Variants in DLC1 observed in about 807,000 individuals in gnomAD.
DLC1 encodes the protein rho GTPase-activating protein 7.
A neutral mutation model predicts 140.3 loss-of-function variants in DLC1; 54 were observed. The ratio of observed to expected loss-of-function variants is 0.38; its 90% CI spans 0.31 to 0.48. The LOEUF (loss-of-function observed/expected upper bound fraction) is 0.48, where lower values mean the gene tolerates loss of function less well. DLC1 is among the 20% of genes least tolerant of loss of function. The probability of loss-of-function intolerance (pLI) is 0.96; values close to 1 mark genes in which losing one functional copy is unlikely to be tolerated. For missense variants in DLC1, 2,536 were observed against 1,907.0 expected, an observed-to-expected ratio of 1.33 and a Z score of -6.14; for synonymous variants, 986 against 728.1, an observed-to-expected ratio of 1.35 and a Z score of -5.70.
At chr8:13,544,099 G>A (rs1803574912) in intron 1 of DLC1, among the ~76,000 whole-genome samples, 1 of 151,568 alleles carries the variant, frequency 6.6e-6, no homozygotes, top group Non-Finnish European at 1.5e-5. Context: ...TTTTATATTA[G>A]CATTGCATCC....
At chr8:13,299,121 A>C (rs1245134754) in intron 5 of DLC1, among the ~76,000 whole-genome samples, 2 of 151,964 alleles carry the variant, frequency 1.3e-5, no homozygotes, top group Non-Finnish European at 2.9e-5. Context: ...CATGGGATTA[A>C]ATGAAACTAT....
intron 1 of DLC1, among the ~76,000 whole-genome samples, chr8:13,512,147 T>G (rs889852820): frequency 6.6e-6 from 1 of 152,084 alleles, no homozygotes; most frequent in East Asian, 1.9e-4. Context: ...ATTCCAATAA[T>G]GTAGAGTGTG....
intron 2 of DLC1, among the ~76,000 whole-genome samples, chr8:13,421,893 A>G (rs1838337081): frequency 6.6e-6 from 1 of 152,120 alleles, no homozygotes; most frequent in Non-Finnish European, 1.5e-5. Flanking sequence ...TTACATATGT[A>G]TCTAACTTGT....
chr8:13,299,778 G>A (rs1296282062), intron 5 of DLC1, among the ~76,000 whole-genome samples: 3 of 152,154 alleles, frequency 2.0e-5, no homozygotes, highest in Non-Finnish European at 2.9e-5. Flanking sequence ...AGGGCCAGAG[G>A]AGAGAATTGC....
chr8:13,127,908 C>T lies in DLC1; in HGVS notation c.1349-12251G>A, dbSNP rs78387444. Among the ~76,000 whole-genome samples, 763 of 152,344 alleles carry T rather than the reference C, an allele frequency of 5.0e-3. 7 individuals carry two copies. Among genetic ancestry groups the T allele is most frequent in the African/African-American group, 0.017 (705 of 41,576 alleles). On this transcript the variant is annotated intron_variant, in intron 5 of 17. Transcript: ENST00000276297. ...AAAGGCATCTGAGGACTCAGCTTCA[C>T]TGACCTCAGCCTTCAATGAGCTTTT...
chr8:13,488,549 C>T (rs1801078849), intron 2 of DLC1, among the ~76,000 whole-genome samples: 1 of 152,124 alleles, frequency 6.6e-6, no homozygotes, highest in Non-Finnish European at 1.5e-5. Flanking sequence ...ATCCCTTTCC[C>T]TCATTTATTC....
At position 13,453,428 on chromosome 8, in the gene DLC1, A is replaced by ATATATATACATATATATGTG. The variant is rs1799194992; in HGVS notation, c.1023+45620_1023+45621insCACATATATATGTATATATA. Among the ~76,000 whole-genome samples, 13 of 30,940 alleles carry ATATATATACATATATATGTG rather than the reference A, an allele frequency of 4.2e-4. 2 individuals are homozygous for ATATATATACATATATATGTG. In the South Asian group the frequency reaches 6.0e-3, roughly 14 times the overall value. 20.3% of individuals were successfully genotyped at this position (30,940 alleles called of 152,430 possible). A position where few individuals can be genotyped will look rare whatever the true frequency, so the allele number is the denominator to read the frequency against. The stretch of plus-strand genomic sequence containing the variant: ...TGTATATATATATATATATATGTGT[A>ATATATATACATATATATGTG]TATATATATGTATATATATACATAT... On this transcript the variant is annotated intron_variant, in intron 2 of 17. Coordinates refer to ENST00000276297, the MANE Select transcript of DLC1 (RefSeq NM_182643.3).
chr8:13,178,819 C>G (rs913569993), intron 5 of DLC1, among the ~76,000 whole-genome samples: 1 of 152,006 alleles, frequency 6.6e-6, no homozygotes, highest in Non-Finnish European at 1.5e-5. Context: ...GCAAACGAAA[C>G]TCTTATAAAC....
At chr8:13,584,454 A>G (rs144835463) in intron 1 of DLC1, 7 of 152,462 alleles carry the variant, frequency 4.6e-5, no homozygotes, top group African/African-American at 1.2e-4. Context: ...GAGAGTATCA[A>G]TGAAAAAGTT....
At chr8:13,254,501 C>G (rs1345491743) in intron 5 of DLC1, among the ~76,000 whole-genome samples, 2 of 152,166 alleles carry the variant, frequency 1.3e-5, no homozygotes, top group African/African-American at 4.8e-5. Context: ...CATTATATTG[C>G]ATGAATACAA....
At chr8:13,214,794 G>A (rs376980849) in intron 5 of DLC1, 9 of 779,232 alleles carry the variant, frequency 1.2e-5, no homozygotes, top group African/African-American at 5.1e-5. Context: ...TCCAGGGGAG[G>A]TAAAAAGGAG....
At chr8:13,267,273 CAT>C (rs1394924862) in intron 5 of DLC1, among the ~76,000 whole-genome samples, 1 of 151,362 alleles carries the variant, frequency 6.6e-6, no homozygotes, top group Non-Finnish European at 1.5e-5. Flanking sequence ...TTAAATATAG[CAT>C]ATTCTAAAGG....
intron 1 of DLC1, among the ~76,000 whole-genome samples, chr8:13,577,149 A>G (rs1338032564): frequency 6.6e-6 from 1 of 152,166 alleles, no homozygotes; most frequent in Non-Finnish European, 1.5e-5. Context: ...CTGTTACTGG[A>G]GAAACAGTGG....
intron 1 of DLC1, among the ~76,000 whole-genome samples, chr8:13,533,190 A>G (rs1803159230): frequency 6.6e-6 from 1 of 152,196 alleles, no homozygotes; most frequent in Non-Finnish European, 1.5e-5. Flanking sequence ...AACACTGGGT[A>G]AATATATCAA....
intron 1 of DLC1, among the ~76,000 whole-genome samples, chr8:13,538,336 C>A (rs1243002110): frequency 1.3e-5 from 2 of 151,432 alleles, no homozygotes; most frequent in Non-Finnish European, 2.9e-5. Flanking sequence ...TTTGGTTAGT[C>A]ACTCCCAAAA....
intron 5 of DLC1, among the ~76,000 whole-genome samples, chr8:13,155,267 A>G (rs1438997859): frequency 1.3e-5 from 2 of 151,994 alleles, no homozygotes; most frequent in African/African-American, 4.8e-5. Context: ...GGTCATTTAT[A>G]ATGTATCCAG....
At position 13,310,167 on chromosome 8, in the gene DLC1, G is replaced by A. The variant is rs549129667; in HGVS notation, c.1315-4865C>T. ...TGAAGCAAATTTATTTTTTTGTCCT[G>A]CAGTACACAAACAGAGCACTATCTA... is the stretch of plus-strand genomic sequence containing the variant. On this transcript the variant is annotated intron_variant, in intron 4 of 17. Coordinates refer to ENST00000276297, the MANE Select transcript of DLC1 (RefSeq NM_182643.3). 2.4e-3 allele frequency among the ~76,000 whole-genome samples: 358 copies of A among 152,160 alleles called. 4 individuals carry two copies. Among genetic ancestry groups the A allele is most frequent in the African/African-American group, 7.9e-3 (329 of 41,514 alleles).
At chr8:13,397,182 C>G (rs1003786865) in intron 3 of DLC1, among the ~76,000 whole-genome samples, 3 of 152,014 alleles carry the variant, frequency 2.0e-5, no homozygotes, top group Non-Finnish European at 2.9e-5. Flanking sequence ...GATCTGGAGA[C>G]CACAAGAAAA....
intron 5 of DLC1, among the ~76,000 whole-genome samples, chr8:13,226,321 A>G (rs1446514914): frequency 6.6e-6 from 1 of 152,212 alleles, no homozygotes; most frequent in Non-Finnish European, 1.5e-5. Context: ...TTTTATATTC[A>G]CCTGTGTAAT....
Sources: allele counts gnomAD v4.1 joint callset (sites outside exome capture counted in the v4.1 genomes callset), GRCh38; gene constraint gnomAD v4.1.1; transcripts MANE v1.5; gene names NCBI Gene and HGNC (gene_info 2026-07-23, HGNC 2026-07-21).